Variants in PRIM2 observed in about 807,000 individuals in gnomAD.
PRIM2 encodes the protein DNA primase subunit 2, also known as DNA primase large subunit.
A neutral mutation model predicts 67.3 loss-of-function variants in PRIM2; 39 were observed. The ratio of observed to expected loss-of-function variants is 0.58; its 90% CI spans 0.45 to 0.76. The LOEUF is 0.76. Among genes scored for constraint, PRIM2 ranks in the 30% least tolerant of loss-of-function variants. The pLI is 0.00. For synonymous variants in PRIM2, 143 were observed against 198.7 expected (o/e 0.72, Z 2.36); for missense variants, 398 against 598.7 (o/e 0.66, Z 3.50).
the PRIM2 span, among the ~76,000 whole-genome samples, chr6:57,283,809 G>A: frequency 2.0e-5 from 3 of 152,090 alleles, no homozygotes; most frequent in East Asian, 3.9e-4. Context: ...TGACAAACTC[G>A]TTTGGGGCCT....
intron 8 of PRIM2, among the ~76,000 whole-genome samples, chr6:57,520,044 C>T (rs1376022917): frequency 2.2e-3 from 339 of 152,214 alleles, no homozygotes; most frequent in African/African-American, 6.7e-3. Context: ...AAATGAAACC[C>T]TTAAACATTA....
intron 13 of PRIM2, among the ~76,000 whole-genome samples, chr6:57,640,113 A>T: frequency 6.6e-6 from 1 of 152,256 alleles, no homozygotes. Context: ...TCCAGTGCAT[A>T]AACAGAACCA....
At position 57,382,117 on chromosome 6, in the gene PRIM2, T is replaced by G. The variant is rs1241075002; in HGVS notation, c.642T>G (p.Ile214Met). Residue 214 changes from isoleucine to methionine, a missense_variant, in exon 7 of 14, where the codon ATT becomes ATG. Coordinates refer to ENST00000615550, the MANE Select transcript of PRIM2 (RefSeq NM_000947.5). The part of the protein sequence containing the change: ...DGFAYVPLKD[I>M]VAIILNEFRA... Reference sequence around the variant, plus strand: ...TTGCTTACGTACCACTTAAGGACATTGTGGCAATCATCCTGAATGAATTTA... The same window carrying G: ...TTGCTTACGTACCACTTAAGGACATGGTGGCAATCATCCTGAATGAATTTA... 1 of 1,613,336 alleles carries G rather than the reference T, an allele frequency of 6.2e-7. No individual in the cohort carries two copies. The highest frequency in any genetic ancestry group is 1.7e-5 in the Admixed American group (1 of 59,946).
the PRIM2 span, among the ~76,000 whole-genome samples, chr6:57,278,836 A>C: frequency 6.6e-6 from 1 of 152,194 alleles, no homozygotes; most frequent in Non-Finnish European, 1.5e-5. Flanking sequence ...AAAGCTACAG[A>C]CTAGGGAGAA....
intron 13 of PRIM2, among the ~76,000 whole-genome samples, chr6:57,645,128 C>T (rs1777311494): frequency 6.6e-6 from 1 of 152,092 alleles, no homozygotes. Flanking sequence ...ATATGCCAGA[C>T]TTACAAGTCA....
chr6:57,515,390 C>G (rs1774461600), intron 8 of PRIM2, among the ~76,000 whole-genome samples: 1 of 152,142 alleles, frequency 6.6e-6, no homozygotes, highest in African/African-American at 2.4e-5. Flanking sequence ...TCCAGCAGAT[C>G]AGATGGAGAT....
chr6:57,642,762 G>A (rs1311370081), intron 13 of PRIM2, among the ~76,000 whole-genome samples: 1 of 152,146 alleles, frequency 6.6e-6, no homozygotes, highest in African/African-American at 2.4e-5. Flanking sequence ...ATATCTTAAA[G>A]TTAAGTCATT....
chr6:57,327,350 A>G (rs1581793306), intron 5 of PRIM2, among the ~76,000 whole-genome samples: 1 of 152,334 alleles, frequency 6.6e-6, no homozygotes. Flanking sequence ...AAATAAAATA[A>G]AAAAGTAGAA....
chr6:57,338,878 T>G (rs1036364149), intron 5 of PRIM2, among the ~76,000 whole-genome samples: 1 of 151,184 alleles, frequency 6.6e-6, no homozygotes, highest in African/African-American at 2.4e-5. Flanking sequence ...GAGAAGGAAA[T>G]AAAGGGTATT....
intron 5 of PRIM2, among the ~76,000 whole-genome samples, chr6:57,362,493 G>A (rs1051464239): frequency 2.0e-5 from 3 of 151,886 alleles, no homozygotes; most frequent in African/African-American, 7.3e-5. Context: ...CTATGCTACT[G>A]TTAGCTGCTT....
rs1342819066 is a variant in PRIM2, at chr6:57,344,273, A to T, written c.459+18228A>T. 1.3e-5 allele frequency among the ~76,000 whole-genome samples: 2 copies of T among 152,034 alleles called. 1 individual carries two copies. The highest frequency in any genetic ancestry group is 2.9e-5 in the Non-Finnish European group (2 of 68,032). ...AATACTAACTGAATTCAAAAGATTT[A>T]TCTCAATTCTGTTTCATAAACACTA... On this transcript the variant is annotated intron_variant, in intron 5 of 13. Coordinates refer to ENST00000615550, the MANE Select transcript of PRIM2 (RefSeq NM_000947.5).
At chr6:57,495,874 G>A (rs1270718560) in intron 7 of PRIM2, among the ~76,000 whole-genome samples, 1 of 152,132 alleles carries the variant, frequency 6.6e-6, no homozygotes, top group African/African-American at 2.4e-5. Flanking sequence ...CTCTCAAGTA[G>A]CTGGGATTAC....
intron 7 of PRIM2, among the ~76,000 whole-genome samples, chr6:57,413,838 A>T (rs1481905434): frequency 6.6e-6 from 1 of 152,116 alleles, no homozygotes; most frequent in African/African-American, 2.4e-5. Flanking sequence ...CTTGGGATTT[A>T]TGTATTTATC....
intron 10 of PRIM2, among the ~76,000 whole-genome samples, chr6:57,580,084 A>G (rs1357388148): frequency 6.6e-6 from 1 of 152,148 alleles, no homozygotes; most frequent in Non-Finnish European, 1.5e-5. Flanking sequence ...TCTTCTTGGT[A>G]GCTCTTCAAA....
chr6:57,350,279 T>C (rs142313646), intron 5 of PRIM2, among the ~76,000 whole-genome samples: 2 of 152,340 alleles, frequency 1.3e-5, no homozygotes, highest in East Asian at 3.9e-4. Flanking sequence ...CACTTTTGTA[T>C]AGAATCCTAG....
At chr6:57,270,466 T>C in the PRIM2 span, among the ~76,000 whole-genome samples, 6 of 152,160 alleles carry the variant, frequency 3.9e-5, no homozygotes, top group Admixed American at 6.5e-5. Context: ...GTGATTTTTG[T>C]ACATTGATTT....
At chr6:57,554,325 A>G (rs1463346667) in intron 10 of PRIM2, among the ~76,000 whole-genome samples, 296 of 147,158 alleles carry the variant, frequency 2.0e-3, no homozygotes, top group African/African-American at 7.2e-3. Flanking sequence ...AGATAATTTT[A>G]ATCTACCTAT....
At chr6:57,269,342 G>A in the PRIM2 span, among the ~76,000 whole-genome samples, 13 of 152,106 alleles carry the variant, frequency 8.5e-5, no homozygotes, top group African/African-American at 3.1e-4. Context: ...GGTGTGAGAT[G>A]GTATCTCATT....
chr6:57,478,283 C>T (rs1773526543), intron 7 of PRIM2, among the ~76,000 whole-genome samples: 1 of 151,190 alleles, frequency 6.6e-6, no homozygotes, highest in African/African-American at 2.4e-5. Context: ...TACGTTGCCA[C>T]TTAGACTATA....
Sources: allele counts gnomAD v4.1 joint callset (sites outside exome capture counted in the v4.1 genomes callset), GRCh38; gene constraint gnomAD v4.1.1; transcripts MANE v1.5; gene names NCBI Gene and HGNC (gene_info 2026-07-23, HGNC 2026-07-21).